ADCY9: variants seen among roughly 807,000 people sequenced by gnomAD.
ADCY9 encodes the protein adenylate cyclase 9, also known as adenylate cyclase type 9.
Under a neutral mutation model 101.5 loss-of-function variants are expected in ADCY9, and 50 were observed. The observed-to-expected ratio is 0.49, with a 90% CI of 0.39 to 0.62. The LOEUF is 0.62. ADCY9 is among the 20% of genes least tolerant of loss of function. ADCY9 has a pLI of 0.00. For missense variants in ADCY9, 1,662 were observed against 1,800.4 expected, an observed-to-expected ratio of 0.92 and a Z score of 1.39; for synonymous variants, 905 against 769.3, an observed-to-expected ratio of 1.18 and a Z score of -2.92.
chr16:4,104,133 G>A (rs1279760958), intron 2 of ADCY9, among the ~76,000 whole-genome samples: 1 of 152,144 alleles, frequency 6.6e-6, no homozygotes. Context: ...GAATATGAAT[G>A]AGTCTGTCGC....
chr16:4,016,383 T>C (rs1382020932), intron 2 of ADCY9, among the ~76,000 whole-genome samples: 2 of 152,250 alleles, frequency 1.3e-5, no homozygotes, highest in South Asian at 2.1e-4. Flanking sequence ...CACCTTTTAT[T>C]TGTGAAATGA....
chr16:3,977,208 T>C (rs1444599016), intron 9 of ADCY9, among the ~76,000 whole-genome samples: 3 of 152,254 alleles, frequency 2.0e-5, no homozygotes, highest in African/African-American at 7.2e-5. Context: ...CACCTCGGTA[T>C]AATGCAATGG....
intron 7 of ADCY9, among the ~76,000 whole-genome samples, chr16:3,980,212 C>A (rs2056129186): frequency 1.3e-5 from 2 of 152,244 alleles, no homozygotes; most frequent in African/African-American, 2.4e-5. Flanking sequence ...AGCAGAGCGA[C>A]TGTATTCACT....
At chr16:4,074,435 C>T (rs1187603924) in intron 2 of ADCY9, among the ~76,000 whole-genome samples, 1 of 151,508 alleles carries the variant, frequency 6.6e-6, no homozygotes, top group Non-Finnish European at 1.5e-5. Flanking sequence ...TGGCTCATGC[C>T]TGTAATCCCA....
intron 2 of ADCY9, among the ~76,000 whole-genome samples, chr16:4,052,544 C>T (rs1175084200): frequency 2.6e-5 from 4 of 152,158 alleles, no homozygotes; most frequent in Non-Finnish European, 5.9e-5. Context: ...ATTCTTTATA[C>T]TGTTTGGGAG....
intron 3 of ADCY9, among the ~76,000 whole-genome samples, chr16:3,996,947 C>T (rs2056291926): frequency 6.6e-6 from 1 of 152,178 alleles, no homozygotes; most frequent in South Asian, 2.1e-4. Context: ...TCACTGCAAC[C>T]TCCACCTCCT....
Position 3,979,116 on chromosome 16 carries a change from G to T in ADCY9, c.2679C>A (p.His893Gln). The part of the protein sequence containing the change: ...HVTSEYETNI[H>Q]FPVFTGSAAL... Reference sequence around the variant, plus strand: ...ATAAAACGGCTGAGCCTTTACTTACGTGTATGTTGGTCTCATATTCGGAGG... The same window carrying T: ...ATAAAACGGCTGAGCCTTTACTTACTTGTATGTTGGTCTCATATTCGGAGG... Residue 893 changes from histidine (H) to glutamine (Q), a missense_variant and splice_region_variant, in exon 8 of 11, where the codon CAC (histidine) becomes CAA (glutamine). His to Gln is a conservative substitution (Grantham distance 24, BLOSUM62 0). Around this residue, in one of 5 missense-constraint regions of ADCY9, gnomAD observed 624 missense variants for 639.1 expected, o/e 0.98. Transcript: ENST00000294016. 1 of 1,614,178 alleles carries T rather than the reference G, an allele frequency of 6.2e-7. No individual in the cohort carries two copies.
At chr16:4,108,436 C>T (rs1434232033) in intron 2 of ADCY9, among the ~76,000 whole-genome samples, 1 of 131,928 alleles carries the variant, frequency 7.6e-6, no homozygotes, top group Non-Finnish European at 1.5e-5. Flanking sequence ...TGCAATGGCA[C>T]GATCTCGGCT....
At chr16:4,103,210 T>C (rs2057055126) in intron 2 of ADCY9, among the ~76,000 whole-genome samples, 1 of 152,180 alleles carries the variant, frequency 6.6e-6, no homozygotes, top group Non-Finnish European at 1.5e-5. Context: ...GAATGCGTGT[T>C]TGGGTGGCAC....
rs149944461 is a variant in ADCY9, at chr16:3,993,267, C to T, written c.1989+139G>A. The T allele has an allele frequency of 9.4e-5, 135 of 1,441,982 alleles. No individual in the cohort carries two copies. The African/African-American group carries it at 1.6e-3, about 17-fold the overall frequency. 89.3% of individuals were successfully genotyped at this position (1,441,982 alleles called of 1,614,324 possible). On this transcript the variant is annotated intron_variant, in intron 4 of 10. Coordinates refer to ENST00000294016, the MANE Select transcript of ADCY9 (RefSeq NM_001116.4). ...GCTCCCTGCCGGTCTCTTCAACACC[C>T]GGAGGACCCGCGGGTGCGGAGTGCT...
intron 2 of ADCY9, among the ~76,000 whole-genome samples, chr16:4,039,438 G>A (rs899948289): frequency 6.6e-6 from 1 of 152,100 alleles, no homozygotes; most frequent in Non-Finnish European, 1.5e-5. Context: ...CAGCACTTTG[G>A]GAGGCTGAGG....
chr16:4,097,810 G>A (rs1013625245), intron 2 of ADCY9, among the ~76,000 whole-genome samples: 24 of 151,800 alleles, frequency 1.6e-4, no homozygotes, highest in African/African-American at 5.8e-4. Context: ...GCCTCCCAAA[G>A]TGCTGGGATT....
chr16:4,070,116 GTGTA>G (rs766341861), intron 2 of ADCY9, among the ~76,000 whole-genome samples: 224 of 106,672 alleles, frequency 2.1e-3, no homozygotes, highest in African/African-American at 5.4e-3. Context: ...ATGTATGTGT[GTGTA>G]TGTGTGTGTG....
intron 2 of ADCY9, among the ~76,000 whole-genome samples, chr16:4,041,232 G>T (rs1461289308): frequency 1.3e-5 from 2 of 152,080 alleles, no homozygotes; most frequent in Admixed American, 1.3e-4. Flanking sequence ...GCTGGGCATG[G>T]TGGCTCACGC....
intron 2 of ADCY9, among the ~76,000 whole-genome samples, chr16:4,011,068 G>A (rs2056401110): frequency 6.6e-6 from 1 of 152,152 alleles, no homozygotes; most frequent in Non-Finnish European, 1.5e-5. Context: ...TGCTTCACAA[G>A]CAGATGGAGA....
chr16:3,993,431 T>C lies in ADCY9; in HGVS notation c.1964A>G (p.Gln655Arg). 6.2e-7 allele frequency: 1 copy of C among 1,614,190 alleles called. No homozygotes were observed. Among genetic ancestry groups the C allele is most frequent in the Non-Finnish European group, 8.5e-7 (1 of 1,180,008 alleles). ...CTTGGTGCTGTTTTTATGCTCGTCT[T>C]GGCAGCCGTTTTGAGGTGCTCCTCC... ...AEGGAPQNGC[Q>R]DEHKNSTKAS... is the part of the protein sequence containing the mutation. The change falls in exon 4 of 11, where the codon CAA becomes CGA. Residue 655 changes from glutamine (Q) to arginine (R), a missense_variant. By Grantham distance (43) the Gln-to-Arg change is conservative. This residue lies in a region of ADCY9 where 624 missense variants were observed against 639.1 expected (regional missense o/e 0.98). Coordinates refer to ENST00000294016, the MANE Select transcript of ADCY9 (RefSeq NM_001116.4).
chr16:4,050,138 G>C (rs770944416), intron 2 of ADCY9, among the ~76,000 whole-genome samples: 26 of 152,136 alleles, frequency 1.7e-4, no homozygotes, highest in Non-Finnish European at 2.9e-4. Flanking sequence ...TGGATGGCCT[G>C]CATGTCAGAA....
chr16:3,970,711 G>A (rs1278572964), intron 10 of ADCY9, among the ~76,000 whole-genome samples: 1 of 152,236 alleles, frequency 6.6e-6, no homozygotes, highest in Non-Finnish European at 1.5e-5. Context: ...CTTGACCTGT[G>A]TGGCCATCAC....
intron 3 of ADCY9, among the ~76,000 whole-genome samples, chr16:3,993,950 A>C (rs2056267650): frequency 6.6e-6 from 1 of 152,180 alleles, no homozygotes; most frequent in Non-Finnish European, 1.5e-5. Flanking sequence ...TGGAGGGAGA[A>C]GGCAGATTCC....
Sources: allele counts gnomAD v4.1 joint callset (sites outside exome capture counted in the v4.1 genomes callset), GRCh38; gene constraint gnomAD v4.1.1; regional missense constraint gnomAD v4.1.1; transcripts MANE v1.5; gene names NCBI Gene and HGNC (gene_info 2026-07-23, HGNC 2026-07-21).